ABHD18: variants seen among roughly 807,000 people sequenced by gnomAD.
The protein encoded by ABHD18 is abhydrolase domain containing 18.
In ABHD18, 55 loss-of-function variants were observed where a neutral mutation model predicts 65.9. The observed-to-expected ratio is 0.84, with a 90% confidence interval of 0.67 to 1.05. The LOEUF is 1.05. Ranked by LOEUF, ABHD18 falls within the 50% of genes least tolerant of loss-of-function variation. The pLI, the probability that ABHD18 is intolerant of heterozygous loss-of-function variation, is 0.00. For synonymous variants in ABHD18, 181 were observed against 180.2 expected, an observed-to-expected ratio of 1.00 and a Z score of -0.04; for missense variants, 533 against 558.5, an observed-to-expected ratio of 0.95 and a Z score of 0.46.
chr4:128,031,987 G>A (rs1758283109), intron 12 of ABHD18, among the ~76,000 whole-genome samples: 1 of 152,198 alleles, frequency 6.6e-6, no homozygotes, highest in African/African-American at 2.4e-5. Flanking sequence ...TGTTATACAT[G>A]TGAACGCAGA....
intron 7 of ABHD18, among the ~76,000 whole-genome samples, chr4:128,015,950 C>CTT (rs938616932): frequency 3.4e-4 from 44 of 130,734 alleles, no homozygotes; most frequent in Middle Eastern, 4.1e-3. Context: ...TATTTAAATA[C>CTT]TTTTTTTTTT....
intron 11 of ABHD18, among the ~76,000 whole-genome samples, chr4:128,029,518 C>T (rs1359654554): frequency 6.6e-6 from 1 of 151,970 alleles, no homozygotes; most frequent in African/African-American, 2.4e-5. Context: ...CTGTCCTTAT[C>T]AAAAATGTAA....
At chr4:128,013,532 C>T (rs1754937351) in intron 7 of ABHD18, among the ~76,000 whole-genome samples, 1 of 152,040 alleles carries the variant, frequency 6.6e-6, no homozygotes, top group Non-Finnish European at 1.5e-5. Context: ...AACCCCATCT[C>T]TACTAAAGAT....
rs1044271677 is a variant in ABHD18 at position 128,037,402 on chromosome 4, A to G, written c.*1589A>G. ...GCATTAACTGACGGAGTGCAGTGGC[A>G]TGATCTTGGCTCACTGCGACCTCCG... On this transcript the variant is annotated 3_prime_UTR_variant, in exon 13 of 13. Transcript: ENST00000645843. The G allele has an allele frequency of 7.9e-5, 12 of 151,454 alleles. No individual in the cohort carries two copies. The highest frequency in any genetic ancestry group is 1.6e-4 in the Non-Finnish European group (11 of 67,920). The allele number at this position is 151,454 out of a possible 1,614,324, so 9.4% of individuals were successfully genotyped here.
intron 1 of ABHD18, among the ~76,000 whole-genome samples, chr4:127,982,307 A>G (rs192653912): frequency 9.2e-5 from 14 of 152,356 alleles, no homozygotes; most frequent in Admixed American, 7.8e-4. Context: ...AGAGGTAGAT[A>G]CTTAAAAATC....
chr4:127,998,541 CT>C (rs34575955), intron 4 of ABHD18, among the ~76,000 whole-genome samples: 398 of 142,804 alleles, frequency 2.8e-3, no homozygotes, highest in Admixed American at 4.3e-3. Flanking sequence ...TCCCGGCTGA[CT>C]TTTTTTTTTT....
rs1160724243 is a variant in ABHD18, at chr4:127,979,527, C to T, written c.-17-3412C>T. ...CTGAGATTGCGCCACTGCACTCTAG[C>T]GTGGGCGACAATGCGAGACTCTGTC... On this transcript the variant is annotated intron_variant, in intron 1 of 12. Coordinates refer to ENST00000645843, the MANE Select transcript of ABHD18 (RefSeq NM_001358451.3). Among the ~76,000 whole-genome samples, 7 of 152,056 alleles carry T rather than the reference C, an allele frequency of 4.6e-5. No homozygotes were observed. The East Asian group carries it at 1.2e-3, about 25-fold the overall frequency.
rs569086701 is a variant in ABHD18, at chr4:128,032,124, C to T, written c.1343+1452C>T. On this transcript the variant is annotated intron_variant, in intron 12 of 12. Coordinates refer to ENST00000645843, the MANE Select transcript of ABHD18 (RefSeq NM_001358451.3). ...ATAATCAAAGTCAAATATAAAAACA[C>T]AAAAGTGCTATTATGAAGGCTTCAT... is the stretch of plus-strand genomic sequence containing the variant. 3.9e-4 allele frequency among the ~76,000 whole-genome samples: 60 copies of T among 152,210 alleles called. No individual in the cohort carries two copies. The South Asian group carries it at 0.011, about 28-fold the overall frequency.
chr4:128,013,065 A>C (rs901037657), intron 7 of ABHD18, among the ~76,000 whole-genome samples: 30 of 119,326 alleles, frequency 2.5e-4, no homozygotes, highest in South Asian at 1.1e-3. Flanking sequence ...ACTCCATCCC[A>C]AAAAAAAAAA....
In ABHD18 at chr4:128,015,065, G is replaced by C. The variant is rs114564423; in HGVS notation, c.471-2298G>C. Among the ~76,000 whole-genome samples, 756 of 146,524 alleles carry C rather than the reference G, an allele frequency of 5.2e-3. 8 individuals carry two copies. Among genetic ancestry groups the C allele is most frequent in the African/African-American group, 0.019 (730 of 39,242 alleles). ...GCACTCCAGCTTGAGTGACAAGCGC[G>C]AAACTCCATCTAAAAAAAAAAAAAA... On this transcript the variant is annotated intron_variant, in intron 7 of 12. Transcript: ENST00000645843.
intron 11 of ABHD18, among the ~76,000 whole-genome samples, chr4:128,029,098 T>C (rs540926179): frequency 6.6e-6 from 1 of 152,086 alleles, no homozygotes; most frequent in East Asian, 1.9e-4. Context: ...ATGCCTGTAA[T>C]CCCAGCATTT....
chr4:128,024,864 G>A (rs942985874), intron 10 of ABHD18, among the ~76,000 whole-genome samples: 4 of 151,748 alleles, frequency 2.6e-5, no homozygotes, highest in East Asian at 2.0e-4. Flanking sequence ...GGCTAATTTC[G>A]TATTTTTAGT....
intron 8 of ABHD18, among the ~76,000 whole-genome samples, chr4:128,018,159 A>C (rs910298888): frequency 6.6e-6 from 1 of 152,126 alleles, no homozygotes; most frequent in Non-Finnish European, 1.5e-5. Flanking sequence ...TTACCTCCAG[A>C]CTATACTTCA....
intron 10 of ABHD18, among the ~76,000 whole-genome samples, chr4:128,027,871 A>G (rs1427970085): frequency 6.6e-6 from 1 of 152,230 alleles, no homozygotes; most frequent in East Asian, 1.9e-4. Flanking sequence ...GATGCAGGCT[A>G]AATGATACCC....
intron 11 of ABHD18, 54 bp from the exon 12 acceptor site, chr4:128,030,456 G>GT (rs1007588749): frequency 2.0e-5 from 25 of 1,270,590 alleles, no homozygotes; most frequent in South Asian, 4.7e-5. Flanking sequence ...CATTGTGTGG[G>GT]TTTTTTTATT....
intron 4 of ABHD18, chr4:128,001,830 AGTTTT>A (rs1427691943): frequency 1.4e-6 from 2 of 1,390,878 alleles, no homozygotes; most frequent in Non-Finnish European, 1.9e-6. Context: ...TTAGATGTTG[AGTTTT>A]GTTTTGTTTT....
chr4:128,003,510 T>TA (rs1014251053), intron 4 of ABHD18, among the ~76,000 whole-genome samples: 2 of 151,662 alleles, frequency 1.3e-5, no homozygotes, highest in East Asian at 1.9e-4. Flanking sequence ...CCAATTAATC[T>TA]AAAAAAAAGA....
intron 11 of ABHD18, 21 bp downstream of exon 11, chr4:128,028,874 T>C (rs747096324): frequency 2.0e-6 from 3 of 1,490,750 alleles, no homozygotes; most frequent in Non-Finnish European, 2.7e-6. Flanking sequence ...TTATATGAAA[T>C]TGAGAATATT....
chr4:128,004,843 G>C (rs1219609776), intron 4 of ABHD18, among the ~76,000 whole-genome samples: 1 of 152,106 alleles, frequency 6.6e-6, no homozygotes, highest in Non-Finnish European at 1.5e-5. Context: ...CCCGGAGGTG[G>C]AGGTTGCAGT....
Sources: gnomAD v4.1 joint callset for allele counts (sites outside exome capture counted in the v4.1 genomes callset) on GRCh38, gnomAD v4.1.1 for gene constraint, MANE v1.5 for transcripts, NCBI Gene and HGNC (gene_info 2026-07-23, HGNC 2026-07-21) for gene names.